The following EYS variants were observed in gnomAD, a reference collection of about 807,000 sequenced individuals.
EYS encodes the protein protein eyes shut homolog.
A neutral mutation model predicts 282.1 loss-of-function variants in EYS; 250 were observed. The ratio of observed to expected loss-of-function variants is 0.89; its 90% CI spans 0.80 to 0.98. The LOEUF is 0.98. Among genes scored for constraint, EYS ranks in the 50% least tolerant of loss-of-function variants. The pLI, the probability that EYS is intolerant of heterozygous loss-of-function variation, is 0.00. For synonymous variants in EYS, 1,355 were observed against 1,282.9 expected, an observed-to-expected ratio of 1.06 and a Z score of -1.20; for missense variants, 4,016 against 3,709.0, an observed-to-expected ratio of 1.08 and a Z score of -2.15.
intron 39 of EYS, among the ~76,000 whole-genome samples, chr6:63,786,717 T>A (rs1770371060): frequency 6.6e-6 from 1 of 151,934 alleles, no homozygotes; most frequent in African/African-American, 2.4e-5. Context: ...AGAGATAATT[T>A]AAAAAATATA....
At chr6:65,671,502 A>G (rs1355070860) in intron 1 of EYS, among the ~76,000 whole-genome samples, 4 of 151,660 alleles carry the variant, frequency 2.6e-5, no homozygotes, top group Admixed American at 1.3e-4. Flanking sequence ...TAACTAATGG[A>G]AAAAAAATTC....
chr6:64,314,194 C>CAAAAAAAA lies in EYS; in HGVS notation c.6079-7120_6079-7113dup, dbSNP rs138447983. On this transcript the variant is annotated intron_variant, in intron 29 of 42. Transcript: ENST00000503581. ...GAAGATTTACTAAACAAATGGAAAG[C>CAAAAAAAA]AAAAAAAAAAAAAAAAAAAAAAAAG... is the stretch of plus-strand genomic sequence containing the variant. Among the ~76,000 whole-genome samples, 82 of 27,664 alleles carry CAAAAAAAA rather than the reference C, an allele frequency of 3.0e-3. 14 individuals are homozygous for CAAAAAAAA. Among genetic ancestry groups the CAAAAAAAA allele is most frequent in the African/African-American group, 6.3e-3 (41 of 6,476 alleles). 18.1% of individuals were successfully genotyped at this position (27,664 alleles called of 152,430 possible).
intron 26 of EYS, among the ~76,000 whole-genome samples, chr6:64,462,942 A>ATTTTGTTTTT (rs777692265): frequency 1.9e-5 from 2 of 105,926 alleles, no homozygotes; most frequent in Non-Finnish European, 4.0e-5. Context: ...CTCAGCTTTA[A>ATTTTGTTTTT]TTTTTTTTTT....
At chr6:64,099,863 T>A (rs2150258275) in intron 31 of EYS, among the ~76,000 whole-genome samples, 1 of 152,212 alleles carries the variant, frequency 6.6e-6, no homozygotes, top group African/African-American at 2.4e-5. Context: ...TTGAAAAAAA[T>A]TGTATCTTTT....
At chr6:64,729,630 T>TA (rs1415983989) in intron 22 of EYS, among the ~76,000 whole-genome samples, 1 of 152,232 alleles carries the variant, frequency 6.6e-6, no homozygotes, top group Non-Finnish European at 1.5e-5. Flanking sequence ...AATGGATGCT[T>TA]ATTGGCAAGC....
chr6:63,867,975 C>T (rs1301728405), intron 35 of EYS, among the ~76,000 whole-genome samples: 1 of 152,094 alleles, frequency 6.6e-6, no homozygotes, highest in East Asian at 1.9e-4. Context: ...TTATTGTGTC[C>T]TTACAGGATA....
chr6:64,287,699 C>T (rs1269843213), intron 30 of EYS, among the ~76,000 whole-genome samples: 8 of 152,038 alleles, frequency 5.3e-5, no homozygotes, highest in African/African-American at 1.9e-4. Context: ...TGTTGTGACA[C>T]CATTTTATTT....
At chr6:64,319,456 G>C (rs537722879) in intron 29 of EYS, among the ~76,000 whole-genome samples, 2 of 152,096 alleles carry the variant, frequency 1.3e-5, no homozygotes, top group Non-Finnish European at 2.9e-5. Context: ...TCGTTTAGCA[G>C]GAGGAGAACA....
chr6:64,842,915 A>T (rs1765607790), intron 19 of EYS, among the ~76,000 whole-genome samples: 1 of 152,138 alleles, frequency 6.6e-6, no homozygotes, highest in South Asian at 2.1e-4. Flanking sequence ...GGAGAAATTC[A>T]AGCTGGCTGC....
At chr6:65,245,847 A>G (rs1039261028) in intron 12 of EYS, among the ~76,000 whole-genome samples, 1 of 152,004 alleles carries the variant, frequency 6.6e-6, no homozygotes, top group Non-Finnish European at 1.5e-5. Flanking sequence ...TTTTCTGGCC[A>G]TGGGGGGAAG....
At chr6:65,627,393 C>T (rs543111549) in intron 2 of EYS, among the ~76,000 whole-genome samples, 4 of 152,300 alleles carry the variant, frequency 2.6e-5, no homozygotes, top group African/African-American at 9.6e-5. Context: ...CGCTCGCTCT[C>T]GGTGCCTCCT....
chr6:63,847,272 A>G (rs1772124039), intron 36 of EYS, among the ~76,000 whole-genome samples: 1 of 152,220 alleles, frequency 6.6e-6, no homozygotes, highest in African/African-American at 2.4e-5. Flanking sequence ...CATTGTGGGA[A>G]AACATGTAGA....
intron 22 of EYS, among the ~76,000 whole-genome samples, chr6:64,780,579 T>C (rs896420560): frequency 1.3e-5 from 2 of 152,152 alleles, no homozygotes; most frequent in African/African-American, 2.4e-5. Flanking sequence ...ATGTTCATTA[T>C]TGGGCGATGG....
chr6:64,072,349 C>T (rs1771612693), intron 32 of EYS, among the ~76,000 whole-genome samples: 1 of 151,574 alleles, frequency 6.6e-6, no homozygotes, highest in South Asian at 2.1e-4. Flanking sequence ...TTTATCTTTT[C>T]TGCGTCTTCT....
chr6:64,001,282 A>G (rs188130484), intron 33 of EYS, among the ~76,000 whole-genome samples: 9 of 152,344 alleles, frequency 5.9e-5, no homozygotes, highest in Admixed American at 5.9e-4. Context: ...TCCAAGTTAA[A>G]GCAATTATTT....
chr6:64,007,323 G>A (rs1048609514), intron 33 of EYS, among the ~76,000 whole-genome samples: 1 of 150,550 alleles, frequency 6.6e-6, no homozygotes, highest in Non-Finnish European at 1.5e-5. Context: ...TTGTTTTTCT[G>A]TGGGGTTGGT....
intron 12 of EYS, among the ~76,000 whole-genome samples, chr6:65,165,877 T>C (rs1040298615): frequency 2.6e-5 from 4 of 151,104 alleles, no homozygotes; most frequent in African/African-American, 9.7e-5. Flanking sequence ...AGAGTGGGTT[T>C]AGCAGGTTCA....
chr6:64,161,586 AGGCACTC>A (rs1775108633), intron 31 of EYS, among the ~76,000 whole-genome samples: 1 of 152,222 alleles, frequency 6.6e-6, no homozygotes, highest in Non-Finnish European at 1.5e-5. Flanking sequence ...AGAAGATAAA[AGGCACTC>A]ATGATTTTTT....
chr6:65,588,861 T>G (rs1256113330), intron 2 of EYS, among the ~76,000 whole-genome samples: 3 of 151,496 alleles, frequency 2.0e-5, no homozygotes. Context: ...TTTTGATATA[T>G]TAATAGGATA....
Sources: gnomAD v4.1 joint callset for allele counts (sites outside exome capture counted in the v4.1 genomes callset) on GRCh38, gnomAD v4.1.1 for gene constraint, MANE v1.5 for transcripts, NCBI Gene and HGNC (gene_info 2026-07-23, HGNC 2026-07-21) for gene names.